The following ANKRD22 variants were observed in gnomAD, a reference collection of about 807,000 sequenced individuals.
The protein encoded by ANKRD22 is ankyrin repeat domain-containing protein 22.
In ANKRD22, 24 loss-of-function variants were observed where a neutral mutation model predicts 25.7. That is an observed-to-expected ratio of 0.93 (90% CI 0.68 to 1.31). ANKRD22 has a LOEUF of 1.31. Ranked by LOEUF, ANKRD22 falls within the 50% of genes most tolerant of loss-of-function variation. The pLI is 0.00. For synonymous variants in ANKRD22, 84 were observed against 84.3 expected (o/e 1.00, Z 0.02); for missense variants, 214 against 227.1 (o/e 0.94, Z 0.37).
Position 88,822,946 on chromosome 10 carries a change from A to T in ANKRD22, c.571T>A (p.Leu191Met), listed in dbSNP as rs1458047931. Residue 191 changes from leucine (L) to methionine (M), a missense_variant, in exon 6 of 6, where the codon TTG (leucine) becomes ATG (methionine). By Grantham distance (15) the Leu-to-Met change is conservative. Coordinates refer to ENST00000371930, the MANE Select transcript of ANKRD22 (RefSeq NM_144590.3). ...CATCGGTGTGGTCACAAGGATTACAATGCTTTCCTTAGCATTAATTCAATC... is the reference window on the plus strand; with the variant it reads ...CATCGGTGTGGTCACAAGGATTACATTGCTTTCCTTAGCATTAATTCAATC... ...SQIELMLRKA[L>M] is the part of the protein sequence containing the mutation. 2 of 1,609,084 alleles carry T rather than the reference A, an allele frequency of 1.2e-6. No individual in the cohort carries two copies. Among genetic ancestry groups the T allele is most frequent in the Admixed American group, 3.3e-5 (2 of 60,010 alleles).
chr10:88,835,767 GAA>G (rs1170277402), intron 1 of ANKRD22, among the ~76,000 whole-genome samples: 1 of 152,140 alleles, frequency 6.6e-6, no homozygotes, highest in African/African-American at 2.4e-5. Context: ...CACTAACGCT[GAA>G]GACTCCATGC....
At position 88,823,282 on chromosome 10, in the gene ANKRD22, T is replaced by C. The variant is rs1564601561; in HGVS notation, c.496A>G (p.Lys166Glu). 1 of 1,610,594 alleles carries C rather than the reference T, an allele frequency of 6.2e-7. No individual in the cohort carries two copies. Among genetic ancestry groups the C allele is most frequent in the Non-Finnish European group, 8.5e-7 (1 of 1,176,874 alleles). Residue 166 changes from lysine to glutamate, a missense_variant and splice_region_variant, in exon 5 of 6, where the codon AAG becomes GAG. Coordinates refer to ENST00000371930, the MANE Select transcript of ANKRD22 (RefSeq NM_144590.3). Reference protein sequence around the residue: ...EARADPTIKNKHGESSLDIAR... With the variant: ...EARADPTIKNEHGESSLDIAR... The stretch of plus-strand genomic sequence containing the variant: ...GACCACGGTCCACCCTCCCTTACCT[T>C]ATTCTTTATTGTGGGGTCTGCACGG...
chr10:88,849,815 G>A (rs571755022), intron 1 of ANKRD22, among the ~76,000 whole-genome samples: 3 of 152,136 alleles, frequency 2.0e-5, no homozygotes, highest in Admixed American at 6.6e-5. Flanking sequence ...CAAAATTAGG[G>A]CCTCTCACTG....
chr10:88,821,544 G>A lies in ANKRD22; in HGVS notation c.*1397C>T, dbSNP rs1843794665. 6.6e-6 allele frequency among the ~76,000 whole-genome samples: 1 copy of A among 152,216 alleles called. No individual in the cohort carries two copies. Among genetic ancestry groups the A allele is most frequent in the Non-Finnish European group, 1.5e-5 (1 of 68,002 alleles). On this transcript the variant is annotated 3_prime_UTR_variant, in exon 6 of 6. Transcript: ENST00000371930. ...CTTGTGTGGGTTTTTTGTCCCCAAG[G>A]GTCACCTGGTAGCTCAGCTCAATGC...
At chr10:88,830,142 C>T (rs113468629) in intron 2 of ANKRD22, among the ~76,000 whole-genome samples, 3 of 152,188 alleles carry the variant, frequency 2.0e-5, no homozygotes, top group Admixed American at 2.0e-4. Context: ...TGAACCTGCT[C>T]ATTCATAAAT....
intron 5 of ANKRD22, 25 bp from the exon 6 acceptor site, chr10:88,823,043 A>T: frequency 6.3e-7 from 1 of 1,599,756 alleles, no homozygotes; most frequent in Non-Finnish European, 8.6e-7. Context: ...ATATACAGTT[A>T]TTTCCAATAG....
intron 1 of ANKRD22, among the ~76,000 whole-genome samples, 174 bp from the exon 2 acceptor site, chr10:88,832,200 A>G (rs899140990): frequency 3.9e-5 from 6 of 152,184 alleles, no homozygotes; most frequent in African/African-American, 1.4e-4. Context: ...GTCTAGATCA[A>G]GAATTAGCCC....
At chr10:88,833,652 A>G (rs1249499344) in intron 1 of ANKRD22, among the ~76,000 whole-genome samples, 1 of 152,218 alleles carries the variant, frequency 6.6e-6, no homozygotes, top group Non-Finnish European at 1.5e-5. Context: ...CTCATGAAAG[A>G]AACATCCTAA....
At chr10:88,823,829 A>G (rs1016171491) in intron 4 of ANKRD22, among the ~76,000 whole-genome samples, 10 of 128,786 alleles carry the variant, frequency 7.8e-5, no homozygotes, top group African/African-American at 2.9e-4. Context: ...CTCCGTCTCA[A>G]AAAAAAAAAA....
Position 88,848,904 on chromosome 10 carries a change from G to GT in ANKRD22, c.21+2682dup, listed in dbSNP as rs1307701823. ...TTGTATATTTCAAGACAATCTTTCTGTTTTTTGAACTATATTTCCTTTTTC... is the reference window on the plus strand; with the variant it reads ...TTGTATATTTCAAGACAATCTTTCTGTTTTTTTGAACTATATTTCCTTTTTC... On this transcript the variant is annotated intron_variant, in intron 1 of 5. Transcript: ENST00000371930. 5.3e-5 allele frequency among the ~76,000 whole-genome samples: 8 copies of GT among 152,120 alleles called. 1 individual carries two copies. In the East Asian group the frequency reaches 7.7e-4, roughly 15 times the overall value.
At position 88,823,328 on chromosome 10, in the gene ANKRD22, A is replaced by C. The variant is rs768163475; in HGVS notation, c.450T>G (p.Leu150=). ...HYACEMKNQS[L]IPLLLEARAD... ...CACGGGCTTCCAAGAGCAGAGGGAT[A>C]AGAGACTGGTTTTTCATTTCACAGG... The change falls in exon 5 of 6, where the codon CTT becomes CTG. Residue 150 remains leucine, a synonymous_variant. Coordinates refer to ENST00000371930, the MANE Select transcript of ANKRD22 (RefSeq NM_144590.3). 2.5e-6 allele frequency: 4 copies of C among 1,614,136 alleles called. No homozygotes were observed. Among genetic ancestry groups the C allele is most frequent in the Non-Finnish European group, 2.5e-6 (3 of 1,179,978 alleles).
intron 1 of ANKRD22, among the ~76,000 whole-genome samples, chr10:88,841,451 A>G (rs910250135): frequency 3.9e-5 from 6 of 152,176 alleles, no homozygotes; most frequent in African/African-American, 1.4e-4. Context: ...CCACCTGGCT[A>G]GTTTCAACCT....
chr10:88,848,156 ATATATATG>A (rs1312177701), intron 1 of ANKRD22, among the ~76,000 whole-genome samples: 1 of 140,016 alleles, frequency 7.1e-6, no homozygotes, highest in Non-Finnish European at 1.5e-5. Context: ...GCGTGTATAT[ATATATATG>A]TATATATGTG....
chr10:88,825,984 C>A (rs1843852028), intron 4 of ANKRD22, 54 bp downstream of exon 4: 1 of 1,426,178 alleles, frequency 7.0e-7, no homozygotes, highest in Non-Finnish European at 9.8e-7. Flanking sequence ...AAATACGCTA[C>A]CTACAAATAC....
chr10:88,851,697 GA>G lies in ANKRD22; in HGVS notation c.-91del, dbSNP rs1844106645. The G allele has an allele frequency of 1.4e-5, 22 of 1,517,352 alleles. No individual in the cohort carries two copies. The highest frequency in any genetic ancestry group is 2.7e-5 in the African/African-American group (2 of 73,064). 94.0% of individuals were successfully genotyped at this position (1,517,352 alleles called of 1,614,324 possible). A position where few individuals can be genotyped will look rare whatever the true frequency, so the allele number is the denominator to read the frequency against. On this transcript the variant is annotated 5_prime_UTR_variant, in exon 1 of 6. Transcript: ENST00000371930. ...GAATATCAAAATCCTTCCTGGCTGA[GA>G]GGAAAGTCCCTAGAAGTCCAAGCTG...
chr10:88,834,067 A>T (rs535075328), intron 1 of ANKRD22, among the ~76,000 whole-genome samples: 1 of 152,180 alleles, frequency 6.6e-6, no homozygotes, highest in Non-Finnish European at 1.5e-5. Context: ...TCAACCAACA[A>T]ATCTTCCACA....
intron 1 of ANKRD22, among the ~76,000 whole-genome samples, chr10:88,839,975 A>G (rs768995969): frequency 6.6e-6 from 1 of 152,194 alleles, no homozygotes; most frequent in African/African-American, 2.4e-5. Context: ...ATTCTGATGC[A>G]CAGTGAGGGT....
chr10:88,831,812 C>G, intron 2 of ANKRD22, 23 bp downstream of exon 2: 1 of 1,570,222 alleles, frequency 6.4e-7, no homozygotes, highest in Middle Eastern at 1.7e-4. Flanking sequence ...CAATTACACT[C>G]TCCATTCATG....
intron 4 of ANKRD22, among the ~76,000 whole-genome samples, chr10:88,825,009 TCTCACA>T (rs201135840): frequency 0.25 from 33,071 of 132,122 alleles, 4,152 homozygotes; most frequent in East Asian, 0.35. Context: ...TCTCTCTCTC[TCTCACA>T]CACACACACA....
Sources: allele counts gnomAD v4.1 joint callset (sites outside exome capture counted in the v4.1 genomes callset), GRCh38; gene constraint gnomAD v4.1.1; transcripts MANE v1.5; gene names NCBI Gene and HGNC (gene_info 2026-07-23, HGNC 2026-07-21).